ZFHX3: variants seen among roughly 807,000 people sequenced by gnomAD.
The protein encoded by ZFHX3 is zinc finger homeobox 3, also known as zinc finger homeobox protein 3.
A neutral mutation model predicts 279.1 loss-of-function variants in ZFHX3; 42 were observed. That is an observed-to-expected ratio of 0.15 (90% CI 0.12 to 0.19). The LOEUF is 0.19. Among genes scored for constraint, ZFHX3 ranks in the 10% least tolerant of loss-of-function variants. The pLI is 1.00. For missense variants in ZFHX3, 4,981 were observed against 4,754.0 expected (o/e 1.05, Z -1.40); for synonymous variants, 2,293 against 1,957.8 (o/e 1.17, Z -4.52).
chr16:73,137,351 A>G (rs879555418), intron 6 of ZFHX3: 4 of 152,164 alleles, frequency 2.6e-5, no homozygotes, highest in Admixed American at 6.6e-5. Context: ...AGCTTGGAAT[A>G]TGGAATATGG....
intron 2 of ZFHX3, among the ~76,000 whole-genome samples, chr16:73,674,585 T>C (rs753357256): frequency 2.3e-4 from 35 of 152,244 alleles, no homozygotes; most frequent in Non-Finnish European, 4.3e-4. Context: ...GCCCCATTGC[T>C]GTATCCATGC....
At chr16:72,824,152 G>A (rs569381292) in intron 5 of ZFHX3, among the ~76,000 whole-genome samples, 15 of 152,160 alleles carry the variant, frequency 9.9e-5, no homozygotes, top group Non-Finnish European at 2.1e-4. Flanking sequence ...AAAGGCAGCA[G>A]GTCTGTAGGA....
intron 1 of ZFHX3, among the ~76,000 whole-genome samples, chr16:73,690,051 G>A (rs1355995661): frequency 1.3e-5 from 2 of 152,078 alleles, no homozygotes; most frequent in African/African-American, 4.8e-5. Context: ...GAGTAGCTGG[G>A]ATTACAGGTG....
intron 1 of ZFHX3, among the ~76,000 whole-genome samples, chr16:73,031,169 G>C (rs1964683022): frequency 6.6e-6 from 1 of 152,188 alleles, no homozygotes; most frequent in South Asian, 2.1e-4. Context: ...GAAGCGTAAA[G>C]AAAACGAACT....
intron 2 of ZFHX3, among the ~76,000 whole-genome samples, chr16:73,660,621 C>T (rs1406622638): frequency 2.6e-5 from 4 of 152,044 alleles, no homozygotes; most frequent in Non-Finnish European, 5.9e-5. Flanking sequence ...GTATATGGCT[C>T]ATAAGGGATA....
chr16:72,830,586 A>G (rs1238232617), intron 4 of ZFHX3, among the ~76,000 whole-genome samples: 3 of 152,210 alleles, frequency 2.0e-5, no homozygotes, highest in Non-Finnish European at 4.4e-5. Context: ...AAACTAATGC[A>G]GGAAACCTCT....
intron 1 of ZFHX3, among the ~76,000 whole-genome samples, chr16:73,887,954 G>C (rs755380829): frequency 5.3e-5 from 8 of 152,120 alleles, no homozygotes; most frequent in Non-Finnish European, 4.4e-5. Context: ...TGGACTATTT[G>C]ACCCACTCCC....
intron 3 of ZFHX3, among the ~76,000 whole-genome samples, chr16:72,916,911 A>G (rs1056264874): frequency 6.6e-6 from 1 of 152,172 alleles, no homozygotes; most frequent in African/African-American, 2.4e-5. Flanking sequence ...AGTGAATGTG[A>G]TCTTGGCAGG....
intron 1 of ZFHX3, among the ~76,000 whole-genome samples, chr16:73,789,589 A>G (rs1959761788): frequency 6.6e-6 from 1 of 152,184 alleles, no homozygotes; most frequent in Non-Finnish European, 1.5e-5. Context: ...TGCAAATATT[A>G]TTATTATTTT....
At chr16:73,338,137 A>AG in intron 3 of ZFHX3, among the ~76,000 whole-genome samples, 1 of 152,156 alleles carries the variant, frequency 6.6e-6, no homozygotes, top group Non-Finnish European at 1.5e-5. Context: ...AACGTGCTGA[A>AG]GAAAACCGCA....
Position 73,646,795 on chromosome 16 carries a change from T to C in ZFHX3, c.-1547+33385A>G, listed in dbSNP as rs192327122. The stretch of plus-strand genomic sequence containing the variant: ...AACAAAAAATTTCAATAGACAATAA[T>C]CATATGGGAAATTGAAAAAGTTGTA... On this transcript the variant is annotated intron_variant, in intron 2 of 17. Transcript: ENST00000641206. Among the ~76,000 whole-genome samples the C allele has an allele frequency of 2.6e-5, 4 of 152,208 alleles. No homozygotes were observed. In the East Asian group the frequency reaches 7.7e-4, roughly 29 times the overall value.
At chr16:73,255,841 TC>T (rs1187203578) in intron 5 of ZFHX3, among the ~76,000 whole-genome samples, 1 of 152,200 alleles carries the variant, frequency 6.6e-6, no homozygotes, top group African/African-American at 2.4e-5. Flanking sequence ...TGAGTGGTTT[TC>T]TGATTCACAG....
chr16:73,716,963 T>A (rs1274029653), intron 1 of ZFHX3, among the ~76,000 whole-genome samples: 1 of 151,774 alleles, frequency 6.6e-6, no homozygotes, highest in Non-Finnish European at 1.5e-5. Flanking sequence ...GCGATGAAAA[T>A]AAAATTATTT....
At position 72,931,404 on chromosome 16, in the gene ZFHX3, T is replaced by TACACACACAC. The variant is rs59696404; in HGVS notation, c.3216+19055_3216+19064dup. 5.2e-3 allele frequency among the ~76,000 whole-genome samples: 628 copies of TACACACACAC among 120,146 alleles called. 4 individuals carry two copies. The highest frequency in any genetic ancestry group is 7.3e-3 in the Non-Finnish European group (421 of 57,688). The allele number at this position is 120,146 out of a possible 152,430, so 78.8% of individuals were successfully genotyped here. A position where few individuals can be genotyped will look rare whatever the true frequency, so the allele number is the denominator to read the frequency against. On this transcript the variant is annotated intron_variant, in intron 3 of 9. Transcript: ENST00000268489. Reference sequence around the variant, plus strand: ...TTCTGGGATTAGCCATTTATTTCATTACACACACACACACACACACACACA... The same window carrying TACACACACAC: ...TTCTGGGATTAGCCATTTATTTCATTACACACACACACACACACACACACACACACACACA...
At chr16:73,616,353 T>C (rs2052300814) in intron 2 of ZFHX3, among the ~76,000 whole-genome samples, 1 of 147,030 alleles carries the variant, frequency 6.8e-6, no homozygotes, top group Admixed American at 6.9e-5. Flanking sequence ...TTGGCTGAAG[T>C]CTGTGTCAAT....
intron 2 of ZFHX3, among the ~76,000 whole-genome samples, chr16:72,952,539 A>C (rs1191323691): frequency 6.6e-6 from 1 of 152,218 alleles, no homozygotes; most frequent in Non-Finnish European, 1.5e-5. Context: ...GGCCCTCTAC[A>C]GAGTGCACAG....
intron 4 of ZFHX3, among the ~76,000 whole-genome samples, chr16:72,832,438 G>A (rs867318120): frequency 2.0e-5 from 3 of 152,072 alleles, no homozygotes; most frequent in Non-Finnish European, 2.9e-5. Context: ...GCTGAGTTCC[G>A]ATGAGAGGAT....
At chr16:73,579,854 T>TTATATATATATATATATATATATATATA (rs200667144) in intron 2 of ZFHX3, among the ~76,000 whole-genome samples, 4 of 140,936 alleles carry the variant, frequency 2.8e-5, no homozygotes, top group African/African-American at 8.2e-5. Context: ...ATTATACAGA[T>TTATATATATATATATATATATATATATA]TATATATATA....
chr16:73,629,967 A>G (rs1429503113), intron 2 of ZFHX3, among the ~76,000 whole-genome samples: 1 of 152,232 alleles, frequency 6.6e-6, no homozygotes, highest in Admixed American at 6.5e-5. Context: ...AAAAACCACA[A>G]CAACTTTTAT....
Sources: gnomAD v4.1 joint callset for allele counts (sites outside exome capture counted in the v4.1 genomes callset) on GRCh38, gnomAD v4.1.1 for gene constraint, MANE v1.5 for transcripts, NCBI Gene and HGNC (gene_info 2026-07-23, HGNC 2026-07-21) for gene names.